The following SCUBE1 variants were observed in gnomAD, a reference collection of about 807,000 sequenced individuals.
SCUBE1 encodes signal peptide, CUB domain and EGF like domain containing 1.
In SCUBE1, 59 loss-of-function variants were observed where a neutral mutation model predicts 124.4. The ratio of observed to expected loss-of-function variants is 0.47; its 90% confidence interval spans 0.38 to 0.59. The LOEUF (loss-of-function observed/expected upper bound fraction) is 0.59, where lower values mean the gene tolerates loss of function less well. Ranked by LOEUF, SCUBE1 falls within the 20% of genes least tolerant of loss-of-function variation. The probability of loss-of-function intolerance (pLI) is 0.00; values close to 1 mark genes in which losing one functional copy is unlikely to be tolerated. For missense variants in SCUBE1, 1,150 were observed against 1,371.2 expected (o/e 0.84, Z 2.55); for synonymous variants, 545 against 550.9 (o/e 0.99, Z 0.15).
intron 3 of SCUBE1, among the ~76,000 whole-genome samples, chr22:43,297,076 C>G (rs903191870): frequency 6.6e-6 from 1 of 152,230 alleles, no homozygotes; most frequent in South Asian, 2.1e-4. Flanking sequence ...GTCTGGCCCT[C>G]GTCCCACCCA....
chr22:43,219,779 TAA>T (rs1177542743), intron 14 of SCUBE1, among the ~76,000 whole-genome samples: 1 of 152,068 alleles, frequency 6.6e-6, no homozygotes, highest in African/African-American at 2.4e-5. Flanking sequence ...CCAGCCAGAC[TAA>T]GACATTTCCT....
At chr22:43,254,377 G>T (rs1225718810) in intron 6 of SCUBE1, among the ~76,000 whole-genome samples, 1 of 152,140 alleles carries the variant, frequency 6.6e-6, no homozygotes. Context: ...CATATCCCCT[G>T]TGGCCCTGGA....
At chr22:43,227,111 C>A (rs1922349423) in intron 10 of SCUBE1, among the ~76,000 whole-genome samples, 1 of 152,196 alleles carries the variant, frequency 6.6e-6, no homozygotes, top group Admixed American at 6.5e-5. Context: ...TGCAGATCTC[C>A]TCTGTGCCCT....
chr22:43,200,731 G>A lies in SCUBE1; in HGVS notation c.*3266C>T, dbSNP rs566989881. 2.0e-5 allele frequency: 3 copies of A among 152,434 alleles called. No individual in the cohort carries two copies. Among genetic ancestry groups the A allele is most frequent in the South Asian group, 2.1e-4 (1 of 4,830 alleles). 9.4% of individuals were successfully genotyped at this position (152,434 alleles called of 1,614,324 possible). A position where few individuals can be genotyped will look rare whatever the true frequency, so the allele number is the denominator to read the frequency against. On this transcript the variant is annotated 3_prime_UTR_variant, in exon 22 of 22. Transcript: ENST00000360835. ...GCCCAGTGGGGCTGCTGGCGACCTC[G>A]CGCTCCTCATGGCCTCTCCCGTGGG...
rs535761407 is a variant in SCUBE1 at position 43,295,393 on chromosome 22, C to G, written c.350-4213G>C. Among the ~76,000 whole-genome samples the G allele has an allele frequency of 6.6e-5, 10 of 152,370 alleles. No homozygotes were observed. In the East Asian group the frequency reaches 1.9e-3, roughly 29 times the overall value. ...GACAGATCTGAGTCTCCTTTATATC[C>G]TTGCTCCTAGCAGCGGGTCAGGCCA... is the stretch of plus-strand genomic sequence containing the variant. On this transcript the variant is annotated intron_variant, in intron 3 of 21. Transcript: ENST00000360835.
At chr22:43,271,622 C>G (rs561309145) in intron 4 of SCUBE1, among the ~76,000 whole-genome samples, 1 of 152,172 alleles carries the variant, frequency 6.6e-6, no homozygotes, top group Non-Finnish European at 1.5e-5. Flanking sequence ...TAGAAACACA[C>G]GGCTCTGCCT....
At chr22:43,321,611 C>G (rs1195595869) in intron 2 of SCUBE1, among the ~76,000 whole-genome samples, 1 of 152,200 alleles carries the variant, frequency 6.6e-6, no homozygotes, top group African/African-American at 2.4e-5. Flanking sequence ...TTGGTGTCCA[C>G]CCAGCCACAG....
intron 2 of SCUBE1, among the ~76,000 whole-genome samples, chr22:43,326,183 T>C (rs1035996474): frequency 6.6e-6 from 1 of 152,194 alleles, no homozygotes; most frequent in African/African-American, 2.4e-5. Context: ...TGTCTTCTCA[T>C]TTCCCCCTGA....
Position 43,343,196 on chromosome 22 carries a change from C to A in SCUBE1, c.66G>T (p.Leu22=). 1 of 1,198,208 alleles carries A rather than the reference C, an allele frequency of 8.3e-7. No individual in the cohort carries two copies. The highest frequency in any genetic ancestry group is 1.0e-6 in the Non-Finnish European group (1 of 963,126). 74.2% of individuals were successfully genotyped at this position (1,198,208 alleles called of 1,614,324 possible). A position where few individuals can be genotyped will look rare whatever the true frequency, so the allele number is the denominator to read the frequency against. ...TACCTGGGAGCCCGCTGCCCCCGGC[C>A]AGCCGCCCGCGTGTGCCCAGGGCCA... is the stretch of plus-strand genomic sequence containing the variant. ...VLLALGTRGR[L]AGGSGLPGSV... The change falls in exon 1 of 22, where the codon CTG becomes CTT. Residue 22 remains leucine (L), a synonymous_variant. Coordinates refer to ENST00000360835, the MANE Select transcript of SCUBE1 (RefSeq NM_173050.5).
At chr22:43,312,550 T>C (rs1330893205) in intron 3 of SCUBE1, among the ~76,000 whole-genome samples, 2 of 151,716 alleles carry the variant, frequency 1.3e-5, no homozygotes, top group African/African-American at 4.8e-5. Context: ...GCAATGGCCA[T>C]GAGAGGAGGG....
intron 3 of SCUBE1, among the ~76,000 whole-genome samples, chr22:43,296,868 C>T (rs565882069): frequency 1.3e-5 from 2 of 152,280 alleles, no homozygotes; most frequent in East Asian, 1.9e-4. Flanking sequence ...GAGACCCCCT[C>T]GGAAAAAGAC....
At chr22:43,335,624 A>G (rs1024886975) in intron 2 of SCUBE1, among the ~76,000 whole-genome samples, 2 of 152,206 alleles carry the variant, frequency 1.3e-5, no homozygotes, top group Non-Finnish European at 2.9e-5. Flanking sequence ...ACCAAGGACT[A>G]TGTTGCACCA....
intron 4 of SCUBE1, among the ~76,000 whole-genome samples, chr22:43,273,561 C>CTCTTTTTTTTTT (rs1924374504): frequency 1.6e-5 from 1 of 60,950 alleles, no homozygotes; most frequent in Non-Finnish European, 2.9e-5. Flanking sequence ...CTAAAACCCT[C>CTCTTTTTTTTTT]TTTTTTTTTT....
chr22:43,299,418 A>G (rs1281741148), intron 3 of SCUBE1, among the ~76,000 whole-genome samples: 1 of 152,204 alleles, frequency 6.6e-6, no homozygotes, highest in Non-Finnish European at 1.5e-5. Context: ...CTCCAAGTGA[A>G]GCCGCTCGGC....
At position 43,258,181 on chromosome 22, in the gene SCUBE1, G is replaced by A. The variant is rs1923735615; in HGVS notation, c.727+38C>T. The A allele has an allele frequency of 1.4e-6, 2 of 1,389,922 alleles. No individual in the cohort carries two copies. The highest frequency in any genetic ancestry group is 2.0e-6 in the Non-Finnish European group (2 of 981,032). The allele number at this position is 1,389,922 out of a possible 1,614,324, so 86.1% of individuals were successfully genotyped here. A position where few individuals can be genotyped will look rare whatever the true frequency, so the allele number is the denominator to read the frequency against. ...GCACGCATGGGGGGTCGGGGGCGGG[G>A]GGCGCAAGGGTGGTGTGTGGCAGAG... On this transcript the variant is annotated intron_variant, in intron 6 of 21. Coordinates refer to ENST00000360835, the MANE Select transcript of SCUBE1 (RefSeq NM_173050.5). This position sits in a 1 kb window ranked among gnomAD's most constrained non-coding sequence, Gnocchi z 5.0.
intron 10 of SCUBE1, among the ~76,000 whole-genome samples, chr22:43,225,298 A>C (rs949776581): frequency 2.0e-5 from 3 of 152,122 alleles, no homozygotes; most frequent in Non-Finnish European, 2.9e-5. Flanking sequence ...AGCCACGTCT[A>C]GAGCTATGCT....
At chr22:43,222,788 C>T (rs764538700) in intron 11 of SCUBE1, 46 bp from the exon 12 acceptor site, 3 of 1,423,202 alleles carry the variant, frequency 2.1e-6, no homozygotes, top group Admixed American at 1.9e-5. Context: ...CTCCTCCCTC[C>T]CACGGCCCTC....
chr22:43,284,517 T>C (rs1331893499), intron 4 of SCUBE1, among the ~76,000 whole-genome samples: 1 of 152,200 alleles, frequency 6.6e-6, no homozygotes, highest in Non-Finnish European at 1.5e-5. Flanking sequence ...CCTTCCCCAT[T>C]GCTGCTGTCT....
chr22:43,301,098 G>A (rs188268889), intron 3 of SCUBE1, among the ~76,000 whole-genome samples: 5 of 152,262 alleles, frequency 3.3e-5, no homozygotes, highest in African/African-American at 1.2e-4. Context: ...TATTTTTGAT[G>A]CTGCTTTCTC....
Sources: allele counts gnomAD v4.1 joint callset (sites outside exome capture counted in the v4.1 genomes callset), GRCh38; gene constraint gnomAD v4.1.1; non-coding constraint Gnocchi (gnomAD v3.1); transcripts MANE v1.5; gene names NCBI Gene and HGNC (gene_info 2026-07-23, HGNC 2026-07-21).